Variants in SH3RF1 observed in about 807,000 individuals in gnomAD.
The protein encoded by SH3RF1 is SH3 domain containing ring finger 1, also known as E3 ubiquitin-protein ligase SH3RF1.
Under a neutral mutation model 74.0 loss-of-function variants are expected in SH3RF1, and 32 were observed. The ratio of observed to expected loss-of-function variants is 0.43; its 90% CI spans 0.33 to 0.58. The LOEUF is 0.58. SH3RF1 is among the 20% of genes least tolerant of loss of function. SH3RF1 has a pLI of 0.05. For synonymous variants in SH3RF1, 396 were observed against 439.6 expected (o/e 0.90, Z 1.24); for missense variants, 954 against 1,130.9 (o/e 0.84, Z 2.24).
intron 2 of SH3RF1, among the ~76,000 whole-genome samples, chr4:169,206,095 A>G (rs1323420483): frequency 6.6e-6 from 1 of 152,236 alleles, no homozygotes; most frequent in Non-Finnish European, 1.5e-5. Flanking sequence ...GTCTCTTTCA[A>G]GATCAATAAT....
chr4:169,120,911 A>C lies in SH3RF1; in HGVS notation c.1425T>G (p.Phe475Leu). 1 of 1,614,212 alleles carries C rather than the reference A, an allele frequency of 6.2e-7. No individual in the cohort carries two copies. Among genetic ancestry groups the C allele is most frequent in the African/African-American group, 1.3e-5 (1 of 75,054 alleles). Residue 475 changes from phenylalanine to leucine, a missense_variant, in exon 8 of 12, where the codon TTT becomes TTG. Phe to Leu is a conservative substitution (Grantham distance 22, BLOSUM62 0). Coordinates refer to ENST00000284637, the MANE Select transcript of SH3RF1 (RefSeq NM_020870.4). The stretch of plus-strand genomic sequence containing the variant: ...TGAACCAGCCATCCTGGCAGCGCTC[A>C]AACACTAAAAACATCTCCCCTTTTC... Reference protein sequence around the residue: ...ELRKGEMFLVFERCQDGWFKG... With the variant: ...ELRKGEMFLVLERCQDGWFKG...
At chr4:169,232,897 C>T (rs1579153605) in intron 2 of SH3RF1, among the ~76,000 whole-genome samples, 2 of 152,056 alleles carry the variant, frequency 1.3e-5, no homozygotes, top group African/African-American at 4.8e-5. Context: ...GTCTACTGAT[C>T]GGTAGTGTGA....
chr4:169,170,217 T>C (rs1054744328), intron 2 of SH3RF1, among the ~76,000 whole-genome samples: 3 of 152,182 alleles, frequency 2.0e-5, no homozygotes, highest in African/African-American at 4.8e-5. Flanking sequence ...TAGTAGAATA[T>C]GAATTACAGG....
At chr4:169,209,589 G>A (rs1332163897) in intron 2 of SH3RF1, among the ~76,000 whole-genome samples, 1 of 152,160 alleles carries the variant, frequency 6.6e-6, no homozygotes, top group Non-Finnish European at 1.5e-5. Context: ...AGCTCATGGT[G>A]AGAGTCAGTA....
rs143326909 is a variant in SH3RF1, at chr4:169,158,439, T to C, written c.394-1760A>G. ...ATTCCTGGATAAGAATTACGGAACA[T>C]AAAGGAGAGGTAGGCAGAGGCCAGT... On this transcript the variant is annotated intron_variant, in intron 2 of 11. Coordinates refer to ENST00000284637, the MANE Select transcript of SH3RF1 (RefSeq NM_020870.4). 4.3e-3 allele frequency among the ~76,000 whole-genome samples: 659 copies of C among 152,192 alleles called. 6 individuals carry two copies. The highest frequency in any genetic ancestry group is 0.015 in the African/African-American group (631 of 41,530).
At chr4:169,136,654 GTT>G (rs770595080) in intron 4 of SH3RF1, 34 bp from the exon 5 acceptor site, 1 of 1,461,376 alleles carries the variant, frequency 6.8e-7, no homozygotes, top group Non-Finnish European at 9.1e-7. Flanking sequence ...ACACAAGAAG[GTT>G]AAACAATTCC....
chr4:169,220,090 T>G (rs894401745), intron 2 of SH3RF1: 2 of 152,236 alleles, frequency 1.3e-5, no homozygotes, highest in African/African-American at 4.8e-5. Flanking sequence ...TCAGTCAAAG[T>G]GAATCATCTG....
chr4:169,217,772 A>G (rs1217884507), intron 2 of SH3RF1, among the ~76,000 whole-genome samples: 1 of 152,194 alleles, frequency 6.6e-6, no homozygotes. Context: ...GATTCTGGCT[A>G]GTGATGGTCG....
chr4:169,114,941 T>C (rs898399609), intron 10 of SH3RF1, among the ~76,000 whole-genome samples: 2 of 152,146 alleles, frequency 1.3e-5, no homozygotes, highest in Non-Finnish European at 2.9e-5. Context: ...AGAACTGGTA[T>C]AGAACTTCAG....
At chr4:169,127,161 C>T (rs1733539406) in intron 6 of SH3RF1, among the ~76,000 whole-genome samples, 1 of 152,092 alleles carries the variant, frequency 6.6e-6, no homozygotes, top group Non-Finnish European at 1.5e-5. Flanking sequence ...ACATGTAATA[C>T]CAGTATTGCT....
chr4:169,245,621 T>C (rs1365985705), intron 2 of SH3RF1, among the ~76,000 whole-genome samples: 1 of 152,104 alleles, frequency 6.6e-6, no homozygotes, highest in African/African-American at 2.4e-5. Flanking sequence ...AACCGGATAA[T>C]CCACCTATAA....
intron 4 of SH3RF1, among the ~76,000 whole-genome samples, chr4:169,146,084 T>G (rs1300921046): frequency 9.8e-6 from 1 of 101,716 alleles, no homozygotes; most frequent in Non-Finnish European, 2.2e-5. Context: ...TATTATATAT[T>G]CTATATATTC....
At chr4:169,228,454 C>A (rs1187060536) in intron 2 of SH3RF1, among the ~76,000 whole-genome samples, 1 of 152,136 alleles carries the variant, frequency 6.6e-6, no homozygotes, top group Non-Finnish European at 1.5e-5. Context: ...CAGAGGCTGC[C>A]TGCATCACTT....
intron 2 of SH3RF1, chr4:169,217,222 T>C (rs1730480070): frequency 6.6e-6 from 1 of 151,694 alleles, no homozygotes. Context: ...TCTTATATAG[T>C]CAGACAAGGC....
intron 2 of SH3RF1, among the ~76,000 whole-genome samples, chr4:169,163,968 A>G (rs1014505479): frequency 3.3e-5 from 5 of 152,158 alleles, no homozygotes; most frequent in Non-Finnish European, 7.3e-5. Context: ...GGTCAATAGG[A>G]CAGTCTCTAT....
At chr4:169,224,163 G>A (rs933424748) in intron 2 of SH3RF1, among the ~76,000 whole-genome samples, 2 of 152,182 alleles carry the variant, frequency 1.3e-5, no homozygotes, top group Non-Finnish European at 2.9e-5. Flanking sequence ...ACAGGAAGCA[G>A]GCAGTACATC....
intron 2 of SH3RF1, among the ~76,000 whole-genome samples, chr4:169,229,387 G>A (rs571158480): frequency 6.6e-6 from 1 of 151,654 alleles, no homozygotes; most frequent in Admixed American, 6.6e-5. Flanking sequence ...ATACTTTATT[G>A]TACAACACAT....
At chr4:169,108,459 G>A (rs1188505724) in intron 10 of SH3RF1, among the ~76,000 whole-genome samples, 1 of 152,170 alleles carries the variant, frequency 6.6e-6, no homozygotes, top group African/African-American at 2.4e-5. Flanking sequence ...AAGCATCCCA[G>A]GGACAGTGCA....
intron 2 of SH3RF1, among the ~76,000 whole-genome samples, chr4:169,232,159 C>G (rs1028279981): frequency 1.3e-5 from 2 of 152,156 alleles, no homozygotes; most frequent in Non-Finnish European, 2.9e-5. Context: ...TAGTAAGCAC[C>G]TGTGAGGCAA....
Sources: allele counts gnomAD v4.1 joint callset (sites outside exome capture counted in the v4.1 genomes callset), GRCh38; gene constraint gnomAD v4.1.1; transcripts MANE v1.5; gene names NCBI Gene and HGNC (gene_info 2026-07-23, HGNC 2026-07-21).